MORC2: variants seen among roughly 807,000 people sequenced by gnomAD.
MORC2 encodes the protein MORC family CW-type zinc finger 2.
A neutral mutation model predicts 136.0 loss-of-function variants in MORC2; 30 were observed. That is an observed-to-expected ratio of 0.22 (90% CI 0.17 to 0.30). MORC2 has a LOEUF of 0.30. Ranked by LOEUF, MORC2 falls within the 10% of genes least tolerant of loss-of-function variation. The pLI is 1.00. For synonymous variants in MORC2, 439 were observed against 487.0 expected, an observed-to-expected ratio of 0.90 and a Z score of 1.30; for missense variants, 922 against 1,333.1, an observed-to-expected ratio of 0.69 and a Z score of 4.80.
rs2041168484 is a variant in MORC2 at position 30,968,772 on chromosome 22, A to G, written c.-883T>C. ...GACCGGGCACTACCCGGATCTCACA[A>G]CTGCCTTTGTCCCTCCCCGCGGAAT... is the stretch of plus-strand genomic sequence containing the variant. On this transcript the variant is annotated 5_prime_UTR_variant, in exon 1 of 26. Transcript: ENST00000397641. Among the ~76,000 whole-genome samples the G allele has an allele frequency of 6.6e-6, 1 of 151,892 alleles. No individual in the cohort carries two copies.
chr22:30,965,760 A>G (rs1041471407), intron 1 of MORC2, among the ~76,000 whole-genome samples: 15 of 152,240 alleles, frequency 9.9e-5, no homozygotes, highest in Non-Finnish European at 1.8e-4. Context: ...GCAAAGGGGG[A>G]AAAAGAAGGG....
In MORC2 at chr22:30,939,624, T is replaced by C; in HGVS notation, c.1070A>G (p.Gln357Arg). 6.2e-7 allele frequency: 1 copy of C among 1,614,158 alleles called. No homozygotes were observed. Among genetic ancestry groups the C allele is most frequent in the Non-Finnish European group, 8.5e-7 (1 of 1,180,032 alleles). ...CAAGGACAGGCCTGGCACTCACCGC[T>C]GCTTGGCCTCCTTGATCCTCTTCTT... ...DVKKRIKEAK[Q>R]RALKEPKELN... Residue 357 changes from glutamine to arginine, a missense_variant, in exon 12 of 26, where the codon CAG (glutamine) becomes CGG (arginine). By Grantham distance (43) the Gln-to-Arg change is conservative. Transcript: ENST00000397641.
intron 2 of MORC2, 45 bp downstream of exon 2, chr22:30,958,596 G>A (rs1345584195): frequency 2.0e-6 from 3 of 1,474,038 alleles, no homozygotes; most frequent in East Asian, 2.5e-5. Context: ...GCTACCTAAA[G>A]TGTTTCCACT....
intron 20 of MORC2, 72 bp downstream of exon 20, chr22:30,933,988 G>T (rs2040616021): frequency 2.0e-6 from 3 of 1,516,540 alleles, no homozygotes; most frequent in Non-Finnish European, 1.8e-6. Flanking sequence ...TGCTGATGGG[G>T]GGTGCAGACT....
intron 12 of MORC2, 74 bp from the exon 13 acceptor site, chr22:30,938,279 C>T: frequency 6.4e-7 from 1 of 1,552,254 alleles, no homozygotes; most frequent in East Asian, 2.3e-5. Flanking sequence ...ATGTGTTAAG[C>T]TTAAGCTTAA....
rs763203419 is a variant in MORC2, at chr22:30,934,154, T to C, written c.2231A>G (p.Asp744Gly). 2.5e-6 allele frequency: 4 copies of C among 1,614,058 alleles called. No homozygotes were observed. Among genetic ancestry groups the C allele is most frequent in the Non-Finnish European group, 3.4e-6 (4 of 1,180,010 alleles). Reference protein sequence around the residue: ...PSRKRSVAVSDEEEVEEEAER... With the variant: ...PSRKRSVAVSGEEEVEEEAER... ...AGCTTCCTCCTCAACTTCTTCCTCATCAGAAACTGCGACACTCCGCTTCCG... is the reference window on the plus strand; with the variant it reads ...AGCTTCCTCCTCAACTTCTTCCTCACCAGAAACTGCGACACTCCGCTTCCG... Residue 744 changes from aspartate to glycine, a missense_variant, in exon 20 of 26, where the codon GAT (aspartate) becomes GGT (glycine). Coordinates refer to ENST00000397641, the MANE Select transcript of MORC2 (RefSeq NM_001303256.3). This position sits in a 1 kb window ranked among gnomAD's most constrained non-coding sequence, Gnocchi z 4.4.
chr22:30,933,416 C>G, intron 21 of MORC2, 50 bp downstream of exon 21: 1 of 1,598,600 alleles, frequency 6.3e-7, no homozygotes, highest in Non-Finnish European at 8.6e-7. Flanking sequence ...TCCACTTCCA[C>G]TCCCACTCCC....
intron 3 of MORC2, among the ~76,000 whole-genome samples, chr22:30,953,075 G>A (rs7290666): frequency 0.013 from 1,928 of 152,286 alleles, 23 homozygotes; most frequent in South Asian, 0.029. Context: ...CACCTTTTGA[G>A]AAGCACTAAA....
Position 30,941,923 on chromosome 22 carries a change from A to C in MORC2, c.666T>G (p.Asp222Glu). The change falls in exon 8 of 26, where the codon GAT (aspartate) becomes GAG (glutamate). Residue 222 changes from aspartate (D) to glutamate (E), a missense_variant. Coordinates refer to ENST00000397641, the MANE Select transcript of MORC2 (RefSeq NM_001303256.3). This position sits in a 1 kb window ranked among gnomAD's most constrained non-coding sequence, Gnocchi z 4.6. ...CTGGGGACGTCTCTGCCATCTGGAT[A>C]TCTCTTGGATTTGAGATTATGTCTA... ...PELDIISNPR[D>E]IQMAETSPEG... 1 of 1,613,594 alleles carries C rather than the reference A, an allele frequency of 6.2e-7. No homozygotes were observed. The highest frequency in any genetic ancestry group is 8.5e-7 in the Non-Finnish European group (1 of 1,179,560).
At position 30,926,797 on chromosome 22, in the gene MORC2, C is replaced by A; in HGVS notation, c.*6G>T. 2 of 1,612,738 alleles carry A rather than the reference C, an allele frequency of 1.2e-6. No individual in the cohort carries two copies. Among genetic ancestry groups the A allele is most frequent in the Non-Finnish European group, 1.7e-6 (2 of 1,179,358 alleles). On this transcript the variant is annotated 3_prime_UTR_variant, in exon 26 of 26. Coordinates refer to ENST00000397641, the MANE Select transcript of MORC2 (RefSeq NM_001303256.3). ...GTGGGCAGGGGAGCTGCTCTCTCTC[C>A]TGCCTTCAGTCCCCCTTGGTGATGA...
In MORC2 at chr22:30,968,621, C is replaced by G. The variant is rs1050302675; in HGVS notation, c.-732G>C. ...GCAGGCCGCGCCCCGCCCCCACGTC[C>G]CTCAGACAACAGCCTCAGCCTCCCA... On this transcript the variant is annotated 5_prime_UTR_variant, in exon 1 of 26. Transcript: ENST00000397641. 6.6e-6 allele frequency among the ~76,000 whole-genome samples: 1 copy of G among 152,144 alleles called. No individual in the cohort carries two copies. The highest frequency in any genetic ancestry group is 1.5e-5 in the Non-Finnish European group (1 of 68,014).
chr22:30,950,464 C>T lies in MORC2; in HGVS notation c.158-19G>A, dbSNP rs750567241. On this transcript the variant is annotated intron_variant, in intron 3 of 25. Coordinates refer to ENST00000397641, the MANE Select transcript of MORC2 (RefSeq NM_001303256.3). ...CGTCTTTCTGTAAAAGAAGCAGCTG[C>T]CATTACTGGGCCGTTACCCACCACA... 6 of 1,612,408 alleles carry T rather than the reference C, an allele frequency of 3.7e-6. No individual in the cohort carries two copies. The highest frequency in any genetic ancestry group is 1.3e-5 in the African/African-American group (1 of 74,672).
intron 5 of MORC2, among the ~76,000 whole-genome samples, chr22:30,947,575 CCAAA>C (rs2040836490): frequency 1.3e-5 from 2 of 152,152 alleles, no homozygotes; most frequent in South Asian, 2.1e-4. Context: ...CCCCATTTCC[CCAAA>C]CACTCAGGAA....
rs2040746423 is a variant in MORC2, at chr22:30,941,865, C to G, written c.698+26G>C. 6.4e-7 allele frequency: 1 copy of G among 1,564,690 alleles called. No homozygotes were observed. The highest frequency in any genetic ancestry group is 1.7e-5 in the Admixed American group (1 of 59,922). On this transcript the variant is annotated intron_variant, in intron 8 of 25. Coordinates refer to ENST00000397641, the MANE Select transcript of MORC2 (RefSeq NM_001303256.3). This position sits in a 1 kb window ranked among gnomAD's most constrained non-coding sequence, Gnocchi z 4.6. Reference sequence around the variant, plus strand: ...AGAGCACAAACGCCAGTTCCAGGGCCTCCCTCCCTTCCCAGCCACACTCAC... The same window carrying G: ...AGAGCACAAACGCCAGTTCCAGGGCGTCCCTCCCTTCCCAGCCACACTCAC...
rs997397464 is a variant in MORC2, at chr22:30,934,342, A to C, written c.2194-151T>G. 1.8e-6 allele frequency: 2 copies of C among 1,138,702 alleles called. No homozygotes were observed. The highest frequency in any genetic ancestry group is 3.1e-5 in the African/African-American group (2 of 63,718). The allele number at this position is 1,138,702 out of a possible 1,614,324, so 70.5% of individuals were successfully genotyped here. A position where few individuals can be genotyped will look rare whatever the true frequency, so the allele number is the denominator to read the frequency against. Reference sequence around the variant, plus strand: ...TACTTGGAATGTACACAGGCAACCCACTGGCCCCTGCGCCATAAGGATTTT... The same window carrying C: ...TACTTGGAATGTACACAGGCAACCCCCTGGCCCCTGCGCCATAAGGATTTT... On this transcript the variant is annotated intron_variant, in intron 19 of 25. Transcript: ENST00000397641. This position sits in a 1 kb window ranked among gnomAD's most constrained non-coding sequence, Gnocchi z 4.4.
chr22:30,956,823 T>C, intron 2 of MORC2, 26 bp from the exon 3 acceptor site: 2 of 1,521,038 alleles, frequency 1.3e-6, no homozygotes, highest in Non-Finnish European at 8.9e-7. Flanking sequence ...AAAAGAATCA[T>C]GTGAATTAAT....
At chr22:30,942,414 G>T in intron 6 of MORC2, 143 bp from the exon 7 acceptor site, 1 of 867,620 alleles carries the variant, frequency 1.2e-6, no homozygotes, top group Non-Finnish European at 1.7e-6. Context: ...GGCACCAGAG[G>T]CTCTGTGAGC....
chr22:30,931,448 C>G (rs1035897458), intron 24 of MORC2, among the ~76,000 whole-genome samples: 1 of 152,210 alleles, frequency 6.6e-6, no homozygotes, highest in Admixed American at 6.5e-5. Flanking sequence ...ATGACAGTTC[C>G]TTCAGCTCAA....
chr22:30,956,938 T>C lies in MORC2; in HGVS notation c.123-141A>G, dbSNP rs986036635. On this transcript the variant is annotated intron_variant, in intron 2 of 25. Transcript: ENST00000397641. ...AGAAATTCTATAGACATTTAGAATT[T>C]TTTTTACTTTTATACTTGACAACAC... 2.2e-5 allele frequency: 14 copies of C among 628,252 alleles called. No individual in the cohort carries two copies. In the African/African-American group the frequency reaches 2.7e-4, roughly 12 times the overall value. The allele number at this position is 628,252 out of a possible 1,614,324, so 38.9% of individuals were successfully genotyped here.
Sources: allele counts gnomAD v4.1 joint callset (sites outside exome capture counted in the v4.1 genomes callset), GRCh38; gene constraint gnomAD v4.1.1; non-coding constraint Gnocchi (gnomAD v3.1); transcripts MANE v1.5; gene names NCBI Gene and HGNC (gene_info 2026-07-23, HGNC 2026-07-21).